Variants in DBI observed in about 807,000 individuals in gnomAD.
The protein encoded by DBI is diazepam binding inhibitor, acyl-CoA binding protein, also known as acyl-CoA-binding protein.
Under a neutral mutation model 13.0 loss-of-function variants are expected in DBI, and 12 were observed. The ratio of observed to expected loss-of-function variants is 0.92; its 90% CI spans 0.59 to 1.49. The LOEUF is 1.49. Ranked by LOEUF, DBI falls within the 40% of genes most tolerant of loss-of-function variation. DBI has a pLI of 0.00. For missense variants in DBI, 95 were observed against 104.8 expected, an observed-to-expected ratio of 0.91 and a Z score of 0.41; for synonymous variants, 37 against 37.4, an observed-to-expected ratio of 0.99 and a Z score of 0.04.
intron 2 of DBI, chr2:119,370,507 A>C: frequency 2.8e-6 from 1 of 359,922 alleles, no homozygotes; most frequent in Non-Finnish European, 4.9e-6. Flanking sequence ...TTGTAAGACA[A>C]AGGCTATCTT....
Position 119,366,982 on chromosome 2 carries a change from A to C in DBI, c.-70A>C. 1.2e-6 allele frequency: 2 copies of C among 1,605,394 alleles called. No homozygotes were observed. Among genetic ancestry groups the C allele is most frequent in the Non-Finnish European group, 8.5e-7 (1 of 1,173,118 alleles). ...CGCCTCTAAAGGCGCTTGCCAGTGC[A>C]ATCTGGGCGATCGCTTCCTGGTCCT... On this transcript the variant is annotated 5_prime_UTR_variant, in exon 1 of 4. Coordinates refer to ENST00000355857, the MANE Select transcript of DBI (RefSeq NM_001079862.4).
chr2:119,367,416 G>A (rs762687652), intron 1 of DBI: 1 of 1,510,634 alleles, frequency 6.6e-7, no homozygotes, highest in South Asian at 1.3e-5. Context: ...AGGGCAGGAC[G>A]TCGCGGCGGA....
rs1443904118 is a variant in DBI, at chr2:119,368,163, A to T, written c.10-25A>T. ...CTCTCCCACCCAGAGGAGGCCCTCA[A>T]TCCTCTCCTCTCCCTTCCATTTAGG... is the stretch of plus-strand genomic sequence containing the variant. On this transcript the variant is annotated intron_variant, in intron 1 of 3. Transcript: ENST00000355857. 3 of 1,601,224 alleles carry T rather than the reference A, an allele frequency of 1.9e-6. No homozygotes were observed. In the Admixed American group the frequency reaches 5.0e-5, roughly 27 times the overall value.
At chr2:119,370,184 G>T (rs1681410307) in intron 2 of DBI, 1 of 152,184 alleles carries the variant, frequency 6.6e-6, no homozygotes, top group Admixed American at 6.5e-5. Flanking sequence ...GATGACAACA[G>T]GTCTATAAGC....
chr2:119,367,009 G>A lies in DBI; in HGVS notation c.-43G>A. 1.2e-6 allele frequency: 2 copies of A among 1,613,488 alleles called. No individual in the cohort carries two copies. Among genetic ancestry groups the A allele is most frequent in the Non-Finnish European group, 1.7e-6 (2 of 1,179,634 alleles). Reference sequence around the variant, plus strand: ...TCTGGGCGATCGCTTCCTGGTCCTCGCCTCCTCCGCTGTCTCCCTGGAGTT... The same window carrying A: ...TCTGGGCGATCGCTTCCTGGTCCTCACCTCCTCCGCTGTCTCCCTGGAGTT... On this transcript the variant is annotated 5_prime_UTR_variant, in exon 1 of 4. Coordinates refer to ENST00000355857, the MANE Select transcript of DBI (RefSeq NM_001079862.4).
rs1681043158 is a variant in DBI at position 119,367,016 on chromosome 2, C to G, written c.-36C>G. ...GATCGCTTCCTGGTCCTCGCCTCCT[C>G]CGCTGTCTCCCTGGAGTTCTTGCAA... On this transcript the variant is annotated 5_prime_UTR_variant, in exon 1 of 4. Coordinates refer to ENST00000355857, the MANE Select transcript of DBI (RefSeq NM_001079862.4). The G allele has an allele frequency of 6.2e-7, 1 of 1,613,818 alleles. No homozygotes were observed.
chr2:119,368,463 G>A (rs1341037477), intron 2 of DBI, 158 bp downstream of exon 2: 4 of 637,154 alleles, frequency 6.3e-6, no homozygotes, highest in Non-Finnish European at 5.6e-6. Flanking sequence ...CCATGTTCCG[G>A]ATTCTCAGTG....
chr2:119,371,736 T>C (rs1681530818), intron 3 of DBI, among the ~76,000 whole-genome samples: 1 of 152,238 alleles, frequency 6.6e-6, no homozygotes, highest in African/African-American at 2.4e-5. Context: ...CAGCCACTTT[T>C]GGTCAGAGTT....
chr2:119,368,800 C>A (rs927775967), intron 2 of DBI: 2 of 163,694 alleles, frequency 1.2e-5, no homozygotes, highest in African/African-American at 4.8e-5. Flanking sequence ...GCCCAGAAAT[C>A]TTGGTGCAGA....
intron 3 of DBI, 36 bp downstream of exon 3, chr2:119,370,838 C>G (rs1470677591): frequency 6.3e-7 from 1 of 1,575,304 alleles, no homozygotes; most frequent in Non-Finnish European, 8.7e-7. Flanking sequence ...ATTTGTGAAA[C>G]CCAGTAGTGA....
Position 119,372,450 on chromosome 2 carries a change from T to C in DBI, c.*132T>C, listed in dbSNP as rs1267427710. The C allele has an allele frequency of 3.0e-6, 2 of 662,380 alleles. No individual in the cohort carries two copies. Among genetic ancestry groups the C allele is most frequent in the African/African-American group, 3.6e-5 (2 of 55,454 alleles). 41.0% of individuals were successfully genotyped at this position (662,380 alleles called of 1,614,324 possible). ...ACCAGCTACTCAAGGCTGCTCACCA[T>C]ACGGCTCTAACAGATTAGGGGCTAA... On this transcript the variant is annotated 3_prime_UTR_variant, in exon 4 of 4. Transcript: ENST00000355857.
chr2:119,367,436 C>T (rs1008029225), intron 1 of DBI: 3 of 1,538,950 alleles, frequency 1.9e-6, no homozygotes, highest in Non-Finnish European at 1.8e-6. Context: ...AGTGGGGAAG[C>T]GAGGAGTCCG....
chr2:119,372,217 G>T, intron 3 of DBI, 28 bp from the exon 4 acceptor site: 2 of 1,588,838 alleles, frequency 1.3e-6, no homozygotes, highest in South Asian at 2.2e-5. Flanking sequence ...CTACCTCCCT[G>T]ACACATAATC....
chr2:119,368,141 T>C (rs1289075627), intron 1 of DBI, 47 bp from the exon 2 acceptor site: 36 of 1,556,030 alleles, frequency 2.3e-5, no homozygotes, highest in Non-Finnish European at 3.1e-5. Context: ...TCTTACCCTC[T>C]CCCACCCAGA....
In DBI at chr2:119,368,248, G is replaced by C. The variant is rs989725533; in HGVS notation, c.70G>C (p.Glu24Gln). 64 of 1,614,004 alleles carry C rather than the reference G, an allele frequency of 4.0e-5. No homozygotes were observed. Among genetic ancestry groups the C allele is most frequent in the Non-Finnish European group, 4.9e-5 (58 of 1,180,038 alleles). Residue 24 changes from glutamate to glutamine, a missense_variant, in exon 2 of 4, where the codon GAG becomes CAG. Physicochemically the swap from Glu to Gln is conservative, Grantham distance 29. Coordinates refer to ENST00000355857, the MANE Select transcript of DBI (RefSeq NM_001079862.4). ...CCTTAAGACCAAGCCATCGGATGAG[G>C]AGATGCTGTTCATCTATGGCCACTA... is the stretch of plus-strand genomic sequence containing the variant. ...RHLKTKPSDE[E>Q]MLFIYGHYKQ...
chr2:119,367,699 C>T, intron 1 of DBI: 1 of 1,611,416 alleles, frequency 6.2e-7, no homozygotes, highest in Non-Finnish European at 8.5e-7. Flanking sequence ...CGGGCTCCGG[C>T]GCTGACACCG....
At chr2:119,367,807 T>G in intron 1 of DBI, 1 of 1,612,124 alleles carries the variant, frequency 6.2e-7, no homozygotes, top group South Asian at 1.1e-5. Flanking sequence ...CACTCCCTAG[T>G]GCCTGGCCCG....
At position 119,372,421 on chromosome 2, in the gene DBI, T is replaced by C. The variant is rs1681589166; in HGVS notation, c.*103T>C. 1 of 862,528 alleles carries C rather than the reference T, an allele frequency of 1.2e-6. No homozygotes were observed. The highest frequency in any genetic ancestry group is 1.9e-5 in the Admixed American group (1 of 52,064). 53.4% of individuals were successfully genotyped at this position (862,528 alleles called of 1,614,324 possible). On this transcript the variant is annotated 3_prime_UTR_variant, in exon 4 of 4. Coordinates refer to ENST00000355857, the MANE Select transcript of DBI (RefSeq NM_001079862.4). ...GGTGGGAATTCGGGAAAATAACCAG[T>C]TAAACCAGCTACTCAAGGCTGCTCA...
In DBI at chr2:119,367,035, C is replaced by A; in HGVS notation, c.-17C>A. On this transcript the variant is annotated 5_prime_UTR_variant, in exon 1 of 4. Coordinates refer to ENST00000355857, the MANE Select transcript of DBI (RefSeq NM_001079862.4). Reference sequence around the variant, plus strand: ...CCTCCTCCGCTGTCTCCCTGGAGTTCTTGCAAGTCGGCCAGGATGTCTCAG... The same window carrying A: ...CCTCCTCCGCTGTCTCCCTGGAGTTATTGCAAGTCGGCCAGGATGTCTCAG... The A allele has an allele frequency of 6.2e-7, 1 of 1,614,104 alleles. No homozygotes were observed. The highest frequency in any genetic ancestry group is 8.5e-7 in the Non-Finnish European group (1 of 1,180,006).
Sources: gnomAD v4.1 joint callset for allele counts (sites outside exome capture counted in the v4.1 genomes callset) on GRCh38, gnomAD v4.1.1 for gene constraint, MANE v1.5 for transcripts, NCBI Gene and HGNC (gene_info 2026-07-23, HGNC 2026-07-21) for gene names.